CAMTA1: variants seen among roughly 807,000 people sequenced by gnomAD.
CAMTA1 encodes calmodulin-binding transcription activator 1.
In CAMTA1, 27 loss-of-function variants were observed where a neutral mutation model predicts 170.9. The observed-to-expected ratio is 0.16, with a 90% CI of 0.12 to 0.22. The LOEUF is 0.22. CAMTA1 is among the 10% of genes least tolerant of loss of function. The pLI is 1.00. For missense variants in CAMTA1, 1,619 were observed against 2,217.2 expected (o/e 0.73, Z 5.42); for synonymous variants, 833 against 891.5 (o/e 0.93, Z 1.17).
chr1:7,620,144 A>G (rs965578146), intron 6 of CAMTA1, among the ~76,000 whole-genome samples: 1 of 152,184 alleles, frequency 6.6e-6, no homozygotes, highest in Admixed American at 6.5e-5. Flanking sequence ...CAGGAGAGTG[A>G]GTGGAACGTG....
At chr1:6,856,190 G>A (rs748238300) in intron 3 of CAMTA1, among the ~76,000 whole-genome samples, 2 of 152,050 alleles carry the variant, frequency 1.3e-5, no homozygotes, top group Non-Finnish European at 2.9e-5. Flanking sequence ...AGCCACCTGC[G>A]TTGCAGGAGC....
At chr1:7,511,566 T>C (rs1189491073) in intron 6 of CAMTA1, among the ~76,000 whole-genome samples, 1 of 152,136 alleles carries the variant, frequency 6.6e-6, no homozygotes, top group African/African-American at 2.4e-5. Flanking sequence ...TGGGAACTTT[T>C]CCAGCTGCTG....
At chr1:6,872,326 T>C (rs1169038080) in intron 3 of CAMTA1, among the ~76,000 whole-genome samples, 1 of 152,162 alleles carries the variant, frequency 6.6e-6, no homozygotes, top group Non-Finnish European at 1.5e-5. Flanking sequence ...TTGAATTTAT[T>C]AGTCTTAGCT....
intron 5 of CAMTA1, among the ~76,000 whole-genome samples, chr1:7,326,779 A>C (rs2082707496): frequency 6.6e-6 from 1 of 152,228 alleles, no homozygotes; most frequent in Non-Finnish European, 1.5e-5. Flanking sequence ...GTCATCACCC[A>C]AGTTTGTGGC....
intron 4 of CAMTA1, among the ~76,000 whole-genome samples, chr1:7,165,109 A>G (rs1648104432): frequency 6.6e-6 from 1 of 152,232 alleles, no homozygotes; most frequent in Non-Finnish European, 1.5e-5. Flanking sequence ...ACTACATTGA[A>G]ACTGGCCAAA....
intron 7 of CAMTA1, among the ~76,000 whole-genome samples, chr1:7,646,409 G>T (rs935557111): frequency 2.7e-5 from 4 of 150,036 alleles, no homozygotes; most frequent in Non-Finnish European, 5.9e-5. Context: ...TGGTGAGTTG[G>T]GTGGAGGCCC....
intron 4 of CAMTA1, among the ~76,000 whole-genome samples, chr1:7,099,946 A>G (rs912761973): frequency 1.3e-5 from 2 of 152,176 alleles, no homozygotes; most frequent in East Asian, 1.9e-4. Flanking sequence ...CAGAGAATCA[A>G]TGTGTCTCCC....
At position 7,559,771 on chromosome 1, in the gene CAMTA1, G is replaced by C. The variant is rs948961744; in HGVS notation, c.511-80629G>C. Reference sequence around the variant, plus strand: ...TCAGGATGCACCCCAGGATGCAACTGATTGCACCCCGATGTCCTCTGAGCA... The same window carrying C: ...TCAGGATGCACCCCAGGATGCAACTCATTGCACCCCGATGTCCTCTGAGCA... On this transcript the variant is annotated intron_variant, in intron 6 of 22. Transcript: ENST00000303635. Among the ~76,000 whole-genome samples the C allele has an allele frequency of 5.3e-5, 8 of 152,028 alleles. No homozygotes were observed. In the East Asian group the frequency reaches 1.6e-3, roughly 30 times the overall value.
intron 17 of CAMTA1, among the ~76,000 whole-genome samples, chr1:7,745,634 A>G (rs1312496821): frequency 6.6e-6 from 1 of 152,230 alleles, no homozygotes; most frequent in African/African-American, 2.4e-5. Flanking sequence ...AGTATTTAGC[A>G]TAGTACTAAA....
At chr1:7,209,162 G>A (rs149223072) in intron 4 of CAMTA1, among the ~76,000 whole-genome samples, 228 of 152,254 alleles carry the variant, frequency 1.5e-3, no homozygotes, top group Non-Finnish European at 2.5e-3. Context: ...TCCTTGATGC[G>A]CAGAGATGCT....
intron 5 of CAMTA1, among the ~76,000 whole-genome samples, chr1:7,416,792 A>G (rs1470609256): frequency 6.6e-6 from 1 of 152,112 alleles, no homozygotes. Context: ...GCTTTGTTCC[A>G]TTGCTGATGA....
At chr1:6,820,119 A>C in intron 1 of CAMTA1, 62 bp from the exon 2 acceptor site, 1 of 1,005,598 alleles carries the variant, frequency 9.9e-7, no homozygotes, top group Non-Finnish European at 1.6e-6. Context: ...GGAATATCAC[A>C]GAAGAGCCAG....
chr1:6,993,437 G>A (rs1309459792), intron 3 of CAMTA1, among the ~76,000 whole-genome samples: 2 of 151,946 alleles, frequency 1.3e-5, no homozygotes, highest in Non-Finnish European at 2.9e-5. Flanking sequence ...TTTATTCCTA[G>A]GCATTTTATG....
chr1:7,025,584 G>A (rs1323856273), intron 3 of CAMTA1, among the ~76,000 whole-genome samples: 2 of 152,180 alleles, frequency 1.3e-5, no homozygotes, highest in Non-Finnish European at 2.9e-5. Context: ...CCAGATGCCG[G>A]GGAGAGAAAG....
At chr1:6,840,606 T>C (rs1655280122) in intron 3 of CAMTA1, among the ~76,000 whole-genome samples, 1 of 152,164 alleles carries the variant, frequency 6.6e-6, no homozygotes, top group African/African-American at 2.4e-5. Context: ...AGAGTGATGA[T>C]GTTGAATAGG....
intron 3 of CAMTA1, among the ~76,000 whole-genome samples, chr1:7,070,102 T>G (rs1638423608): frequency 6.6e-6 from 1 of 152,186 alleles, no homozygotes; most frequent in Admixed American, 6.5e-5. Flanking sequence ...GACGGGCTTT[T>G]CTGAGAGGCG....
intron 4 of CAMTA1, among the ~76,000 whole-genome samples, chr1:7,099,466 C>T (rs1030473455): frequency 2.6e-5 from 4 of 152,136 alleles, no homozygotes; most frequent in African/African-American, 9.7e-5. Flanking sequence ...AATCCTGTTT[C>T]CCAGGGGCGG....
At chr1:6,961,553 G>A (rs1002295280) in intron 3 of CAMTA1, among the ~76,000 whole-genome samples, 2 of 151,872 alleles carry the variant, frequency 1.3e-5, no homozygotes, top group Non-Finnish European at 2.9e-5. Context: ...GGCTGAGCCG[G>A]GGGCGTGAGA....
rs552200072 is a variant in CAMTA1 at position 7,180,698 on chromosome 1, G to C, written c.303-68793G>C. ...TTGGCTAATTTTTATATTTTTTATA[G>C]AGACGGATTCACCATGTTGCCCAGG... is the stretch of plus-strand genomic sequence containing the variant. On this transcript the variant is annotated intron_variant, in intron 4 of 22. Transcript: ENST00000303635. 6.0e-4 allele frequency among the ~76,000 whole-genome samples: 91 copies of C among 151,880 alleles called. 1 individual carries two copies. Among genetic ancestry groups the C allele is most frequent in the South Asian group, 2.3e-3 (11 of 4,804 alleles).
Sources: allele counts gnomAD v4.1 joint callset (sites outside exome capture counted in the v4.1 genomes callset), GRCh38; gene constraint gnomAD v4.1.1; transcripts MANE v1.5; gene names NCBI Gene and HGNC (gene_info 2026-07-23, HGNC 2026-07-21).